The following FBLN7 variants were observed in gnomAD, a reference collection of about 807,000 sequenced individuals.
FBLN7 encodes fibulin-7.
A neutral mutation model predicts 44.0 loss-of-function variants in FBLN7; 31 were observed. That is an observed-to-expected ratio of 0.70 (90% CI 0.53 to 0.95). The LOEUF (loss-of-function observed/expected upper bound fraction) is 0.95. FBLN7 is among the 40% of genes least tolerant of loss of function. FBLN7 has a pLI of 0.00. For synonymous variants in FBLN7, 262 were observed against 253.4 expected (o/e 1.03, Z -0.32); for missense variants, 573 against 618.5 (o/e 0.93, Z 0.78).
At chr2:112,234,498 A>AT in the FBLN7 span, among the ~76,000 whole-genome samples, 2 of 152,150 alleles carry the variant, frequency 1.3e-5, no homozygotes, top group South Asian at 4.1e-4. Flanking sequence ...GTAAAAATGA[A>AT]TGAAAAAAAT....
the FBLN7 span, among the ~76,000 whole-genome samples, chr2:112,196,594 AG>A: frequency 6.6e-5 from 10 of 151,984 alleles, no homozygotes; most frequent in Non-Finnish European, 1.2e-4. Context: ...TGCAAAACTC[AG>A]GCTAGAATGG....
chr2:112,236,499 G>C, the FBLN7 span: 1 of 1,581,154 alleles, frequency 6.3e-7, no homozygotes, highest in African/African-American at 1.4e-5. Context: ...TGTCACTGAA[G>C]TATAAGATCA....
intron 2 of FBLN7, among the ~76,000 whole-genome samples, chr2:112,160,269 C>T (rs905993496): frequency 6.6e-6 from 1 of 152,048 alleles, no homozygotes; most frequent in Admixed American, 6.6e-5. Flanking sequence ...GGATGACAGG[C>T]GTGGGCCACC....
At chr2:112,177,819 C>G (rs904692611) in intron 4 of FBLN7, 9 of 152,086 alleles carry the variant, frequency 5.9e-5, no homozygotes, top group African/African-American at 2.2e-4. Flanking sequence ...GTGTTTGATT[C>G]CCATCAATCC....
At chr2:112,165,760 G>C (rs531761287) in intron 3 of FBLN7, among the ~76,000 whole-genome samples, 1 of 152,322 alleles carries the variant, frequency 6.6e-6, no homozygotes, top group South Asian at 2.1e-4. Flanking sequence ...GGCTCCAGGA[G>C]AGTCCACTGT....
chr2:112,192,494 T>G (rs564078058), downstream of FBLN7, among the ~76,000 whole-genome samples: 1 of 152,314 alleles, frequency 6.6e-6, no homozygotes, highest in Admixed American at 6.5e-5. Context: ...GCAAGCCAAA[T>G]AGATCCTGGG....
At chr2:112,180,745 C>A (rs528643739) in intron 4 of FBLN7, among the ~76,000 whole-genome samples, 185 of 151,714 alleles carry the variant, frequency 1.2e-3, no homozygotes, top group Non-Finnish European at 2.3e-3. Flanking sequence ...ATGGTGAAAC[C>A]CCGTCTCTAC....
chr2:112,219,367 CTG>C, the FBLN7 span, among the ~76,000 whole-genome samples: 5 of 152,170 alleles, frequency 3.3e-5, no homozygotes, highest in Non-Finnish European at 7.4e-5. Flanking sequence ...GCTAGGAAAA[CTG>C]GATCTCCTCA....
At chr2:112,196,571 T>C in the FBLN7 span, among the ~76,000 whole-genome samples, 1 of 151,816 alleles carries the variant, frequency 6.6e-6, no homozygotes, top group Non-Finnish European at 1.5e-5. Context: ...GTGCCCAGCC[T>C]GATTACTTAA....
intron 1 of FBLN7, among the ~76,000 whole-genome samples, chr2:112,148,423 G>A (rs961236049): frequency 2.0e-5 from 3 of 152,162 alleles, no homozygotes; most frequent in Admixed American, 1.3e-4. Flanking sequence ...GATAAATACC[G>A]CTATCTAAAA....
At chr2:112,171,493 C>A (rs1381822641) in intron 3 of FBLN7, among the ~76,000 whole-genome samples, 1 of 151,494 alleles carries the variant, frequency 6.6e-6, no homozygotes, top group Non-Finnish European at 1.5e-5. Context: ...AGGCCTTTCC[C>A]CCGAGACCTT....
At chr2:112,194,038 G>A in the FBLN7 span, among the ~76,000 whole-genome samples, 3 of 152,172 alleles carry the variant, frequency 2.0e-5, no homozygotes, top group African/African-American at 7.2e-5. Context: ...GAGCACAGGG[G>A]AATAGTTTCT....
intron 1 of FBLN7, among the ~76,000 whole-genome samples, chr2:112,156,970 C>G (rs1681463152): frequency 6.6e-6 from 1 of 152,148 alleles, no homozygotes; most frequent in South Asian, 2.1e-4. Flanking sequence ...GCCACCCTGG[C>G]TGTGGGGGCC....
intron 2 of FBLN7, among the ~76,000 whole-genome samples, chr2:112,160,138 C>A (rs569784417): frequency 6.6e-6 from 1 of 152,116 alleles, no homozygotes; most frequent in African/African-American, 2.4e-5. Context: ...CTACAGGCGC[C>A]CGCCACCACG....
the FBLN7 span, among the ~76,000 whole-genome samples, chr2:112,216,800 G>A: frequency 9.2e-5 from 14 of 151,618 alleles, no homozygotes; most frequent in Admixed American, 9.2e-4. Flanking sequence ...AAATTTGAAT[G>A]GAAACATGAT....
the FBLN7 span, among the ~76,000 whole-genome samples, chr2:112,242,646 G>A: frequency 6.6e-6 from 1 of 152,196 alleles, no homozygotes; most frequent in Admixed American, 6.5e-5. Context: ...GCAAATCACT[G>A]TGGTTATTAT....
the FBLN7 span, among the ~76,000 whole-genome samples, chr2:112,236,047 T>A: frequency 6.6e-6 from 1 of 151,574 alleles, no homozygotes; most frequent in Non-Finnish European, 1.5e-5. Context: ...GTGGATCACC[T>A]GAGGTCAGGA....
chr2:112,236,823 G>T, the FBLN7 span: 112 of 875,016 alleles, frequency 1.3e-4, no homozygotes, highest in Non-Finnish European at 1.8e-4. Context: ...GAGGCAGGAG[G>T]ACTGCTCAAA....
intron 2 of FBLN7, 109 bp downstream of exon 2, chr2:112,159,944 CCTTCCAT>C (rs1681646516): frequency 1.2e-6 from 1 of 867,142 alleles, no homozygotes; most frequent in South Asian, 5.1e-5. Context: ...TCCCCCATCA[CCTTCCAT>C]CTTCCAACTG....
Sources: gnomAD v4.1 joint callset for allele counts (sites outside exome capture counted in the v4.1 genomes callset) on GRCh38, gnomAD v4.1.1 for gene constraint, MANE v1.5 for transcripts, NCBI Gene and HGNC (gene_info 2026-07-23, HGNC 2026-07-21) for gene names.